The following SPOCK3 variants were observed in gnomAD, a reference collection of about 807,000 sequenced individuals.
SPOCK3 encodes SPARC (osteonectin), cwcv and kazal like domains proteoglycan 3, also known as testican-3.
Under a neutral mutation model 56.6 loss-of-function variants are expected in SPOCK3, and 30 were observed. The observed-to-expected ratio is 0.53, with a 90% CI of 0.40 to 0.72. The LOEUF is 0.72. Among genes scored for constraint, SPOCK3 ranks in the 30% least tolerant of loss-of-function variants. The probability of loss-of-function intolerance (pLI) is 0.00; values close to 1 mark genes in which losing one functional copy is unlikely to be tolerated. For missense variants in SPOCK3, 527 were observed against 530.0 expected (o/e 0.99, Z 0.06); for synonymous variants, 196 against 183.3 (o/e 1.07, Z -0.56).
At chr4:167,174,070 AG>A (rs1204401032) in intron 2 of SPOCK3, among the ~76,000 whole-genome samples, 1 of 152,160 alleles carries the variant, frequency 6.6e-6, no homozygotes, top group Non-Finnish European at 1.5e-5. Context: ...GTTTTTTAAT[AG>A]CTTCAGAAAT....
At chr4:167,119,851 G>A in intron 2 of SPOCK3, 1 of 1,527,378 alleles carries the variant, frequency 6.5e-7, no homozygotes, top group Non-Finnish European at 8.7e-7. Flanking sequence ...CTACTGTCCT[G>A]TCAAATAATC....
chr4:166,923,373 C>T (rs1480743739), intron 4 of SPOCK3, among the ~76,000 whole-genome samples: 9 of 152,104 alleles, frequency 5.9e-5, no homozygotes, highest in East Asian at 1.9e-4. Context: ...AGATGATATT[C>T]GCAGATTATG....
chr4:167,049,585 G>C (rs1410735046), intron 3 of SPOCK3, among the ~76,000 whole-genome samples: 1 of 151,810 alleles, frequency 6.6e-6, no homozygotes, highest in African/African-American at 2.4e-5. Flanking sequence ...AATAATATTT[G>C]GTATAAAATA....
In SPOCK3 at chr4:166,912,713, C is replaced by T. The variant is rs1355513406; in HGVS notation, c.381G>A (p.Gln127=). The change falls in exon 5 of 11, where the codon CAG becomes CAA. Residue 127 remains glutamine (Q), a synonymous_variant. Coordinates refer to ENST00000357545, the MANE Select transcript of SPOCK3 (RefSeq NM_001040159.2). ...AGGTGGATAATATGGGACCCCTCCA[C>T]TGCCTATGGTCTACTCCTGCTTCTT... The part of the protein sequence containing the change: ...RMKEAGVDHR[Q]WRGPILSTCK... The T allele has an allele frequency of 6.2e-7, 1 of 1,613,214 alleles. No individual in the cohort carries two copies. Among genetic ancestry groups the T allele is most frequent in the Admixed American group, 1.7e-5 (1 of 59,898 alleles).
chr4:166,891,782 T>A (rs1734813613), intron 5 of SPOCK3, among the ~76,000 whole-genome samples: 1 of 152,004 alleles, frequency 6.6e-6, no homozygotes, highest in Admixed American at 6.6e-5. Flanking sequence ...CTTTCTCATA[T>A]AATAATTCTG....
intron 4 of SPOCK3, among the ~76,000 whole-genome samples, chr4:166,966,311 G>A (rs1465544991): frequency 6.7e-6 from 1 of 148,170 alleles, no homozygotes; most frequent in Non-Finnish European, 1.5e-5. Context: ...GAAAATATAT[G>A]CTCCAAAAGC....
rs150365839 is a variant in SPOCK3 at position 166,971,084 on chromosome 4, G to A, written c.350+29265C>T. On this transcript the variant is annotated intron_variant, in intron 4 of 10. Transcript: ENST00000357545. ...ACACATCAGAAGTATAGGCATAGAC[G>A]TTTTCTGGCACCCAACTTCAATGTA... Among the ~76,000 whole-genome samples the A allele has an allele frequency of 4.8e-4, 73 of 152,222 alleles. No individual in the cohort carries two copies. The East Asian group carries it at 6.8e-3, about 14-fold the overall frequency.
intron 4 of SPOCK3, among the ~76,000 whole-genome samples, chr4:166,961,031 A>G (rs1309521885): frequency 6.6e-6 from 1 of 152,206 alleles, no homozygotes; most frequent in East Asian, 1.9e-4. Flanking sequence ...TTTTACATTT[A>G]TTGAACTACA....
At chr4:166,900,864 C>T (rs1428227193) in intron 5 of SPOCK3, among the ~76,000 whole-genome samples, 2 of 152,098 alleles carry the variant, frequency 1.3e-5, no homozygotes, top group Non-Finnish European at 2.9e-5. Flanking sequence ...GGAACAACAA[C>T]AGGTATTCCT....
intron 2 of SPOCK3, among the ~76,000 whole-genome samples, chr4:167,192,277 G>A (rs560174361): frequency 4.1e-5 from 6 of 145,292 alleles, no homozygotes; most frequent in South Asian, 2.1e-4. Flanking sequence ...TTGGTATTAC[G>A]CCTCATAATA....
chr4:166,906,824 A>G (rs1579606215), intron 5 of SPOCK3, among the ~76,000 whole-genome samples: 1 of 152,060 alleles, frequency 6.6e-6, no homozygotes, highest in East Asian at 1.9e-4. Context: ...AATGAAGGGT[A>G]ATTAATTTAG....
chr4:166,747,782 C>A (rs1735842370), intron 8 of SPOCK3, among the ~76,000 whole-genome samples: 1 of 152,044 alleles, frequency 6.6e-6, no homozygotes, highest in African/African-American at 2.4e-5. Flanking sequence ...GCAACTTCAG[C>A]AAAGTCTCAG....
At chr4:166,960,295 G>A (rs958524698) in intron 4 of SPOCK3, among the ~76,000 whole-genome samples, 2 of 152,056 alleles carry the variant, frequency 1.3e-5, no homozygotes, top group African/African-American at 4.8e-5. Context: ...CCTAGCAGAT[G>A]GTAGGTATCA....
intron 2 of SPOCK3, among the ~76,000 whole-genome samples, chr4:167,223,321 T>C (rs1346520287): frequency 6.9e-6 from 1 of 145,120 alleles, no homozygotes; most frequent in African/African-American, 2.5e-5. Context: ...TAATCATATA[T>C]AAGCATATAT....
intron 5 of SPOCK3, among the ~76,000 whole-genome samples, chr4:166,890,854 G>A (rs1401974595): frequency 6.6e-6 from 1 of 151,918 alleles, no homozygotes; most frequent in Non-Finnish European, 1.5e-5. Context: ...ACAATGAGGT[G>A]TTAAAGTCTC....
intron 4 of SPOCK3, among the ~76,000 whole-genome samples, chr4:166,925,460 G>A (rs1738986860): frequency 6.6e-6 from 1 of 152,108 alleles, no homozygotes. Context: ...TTTAACGTGT[G>A]TGTAAAAAGT....
intron 7 of SPOCK3, 141 bp from the exon 8 acceptor site, chr4:166,754,870 T>A (rs887401870): frequency 3.5e-5 from 25 of 712,704 alleles, no homozygotes; most frequent in Admixed American, 1.4e-4. Flanking sequence ...TCATCATGAG[T>A]AGTTTGTTTC....
At chr4:167,135,075 AAT>A (rs199848364) in intron 2 of SPOCK3, among the ~76,000 whole-genome samples, 21 of 149,832 alleles carry the variant, frequency 1.4e-4, no homozygotes, top group East Asian at 1.2e-3. Context: ...TATAAATATA[AAT>A]ATATATATAA....
chr4:167,182,167 T>A (rs1213821374), intron 2 of SPOCK3, among the ~76,000 whole-genome samples: 1 of 152,180 alleles, frequency 6.6e-6, no homozygotes, highest in Non-Finnish European at 1.5e-5. Context: ...AGAGAATGCA[T>A]ACTGCCTAAT....
Sources: gnomAD v4.1 joint callset for allele counts (sites outside exome capture counted in the v4.1 genomes callset) on GRCh38, gnomAD v4.1.1 for gene constraint, MANE v1.5 for transcripts, NCBI Gene and HGNC (gene_info 2026-07-23, HGNC 2026-07-21) for gene names.